Variants in BMPER observed in about 807,000 individuals in gnomAD.
The protein encoded by BMPER is BMP binding endothelial regulator, also known as BMP-binding endothelial regulator protein.
A neutral mutation model predicts 87.3 loss-of-function variants in BMPER; 45 were observed. The ratio of observed to expected loss-of-function variants is 0.52; its 90% confidence interval spans 0.41 to 0.66. The LOEUF (loss-of-function observed/expected upper bound fraction) is 0.66. BMPER is among the 30% of genes least tolerant of loss of function. The pLI is 0.00. For missense variants in BMPER, 784 were observed against 867.5 expected, an observed-to-expected ratio of 0.90 and a Z score of 1.21; for synonymous variants, 326 against 316.2, an observed-to-expected ratio of 1.03 and a Z score of -0.33.
intron 6 of BMPER, among the ~76,000 whole-genome samples, chr7:34,011,219 T>C (rs549464261): frequency 1.1e-4 from 17 of 151,976 alleles, no homozygotes; most frequent in African/African-American, 3.9e-4. Flanking sequence ...ATTAATCATC[T>C]GAGGATATTG....
At position 34,046,332 on chromosome 7, in the gene BMPER, A is replaced by G. The variant is rs1331701476; in HGVS notation, c.603A>G (p.Glu201=). The change falls in exon 7 of 15, where the codon GAA becomes GAG. Residue 201 remains glutamate (E), a synonymous_variant. Coordinates refer to ENST00000649409, the MANE Select transcript of BMPER (RefSeq NM_001365308.1). ...CTGGRTQCVR[E]VCPILSCPQH... ...GAGGCAGGACACAATGTGTGAGAGA[A>G]GTCTGTCCCATTCTCTCCTGTCCCC... The G allele has an allele frequency of 5.0e-6, 8 of 1,613,916 alleles. No homozygotes were observed. Among genetic ancestry groups the G allele is most frequent in the Admixed American group, 1.7e-5 (1 of 59,996 alleles).
chr7:34,085,867 A>T lies in BMPER; in HGVS notation c.1520A>T (p.Asp507Val). ...AACTACAATGGACATAAACGTGATG[A>T]CTTAATTGGTGGAGATGGAAACTTC... Reference protein sequence around the residue: ...CGNYNGHKRDDLIGGDGNFKF... With the variant: ...CGNYNGHKRDVLIGGDGNFKF... Residue 507 changes from aspartate (D) to valine (V), a missense_variant, in exon 13 of 15, where the codon GAC (aspartate) becomes GTC (valine). Coordinates refer to ENST00000649409, the MANE Select transcript of BMPER (RefSeq NM_001365308.1). 6.2e-7 allele frequency: 1 copy of T among 1,614,150 alleles called. No homozygotes were observed. Among genetic ancestry groups the T allele is most frequent in the Non-Finnish European group, 8.5e-7 (1 of 1,180,040 alleles).
Position 33,905,763 on chromosome 7 carries a change from G to T in BMPER, c.133+17G>T. On this transcript the variant is annotated intron_variant, in intron 1 of 14. Coordinates refer to ENST00000649409, the MANE Select transcript of BMPER (RefSeq NM_001365308.1). ...TCTTGACAGGTAGGGGAGGGGGCGGGAGGGACCGGCCCTCCGGGACGCCGG... is the reference window on the plus strand; with the variant it reads ...TCTTGACAGGTAGGGGAGGGGGCGGTAGGGACCGGCCCTCCGGGACGCCGG... The T allele has an allele frequency of 3.8e-6, 6 of 1,561,502 alleles. No individual in the cohort carries two copies. The highest frequency in any genetic ancestry group is 1.1e-5 in the South Asian group (1 of 90,088).
chr7:34,020,740 T>TC (rs1434850198), intron 6 of BMPER, among the ~76,000 whole-genome samples: 1 of 151,734 alleles, frequency 6.6e-6, no homozygotes, highest in African/African-American at 2.4e-5. Context: ...GTCTGCTGAG[T>TC]CCCAGCAGAC....
intron 2 of BMPER, among the ~76,000 whole-genome samples, chr7:33,909,390 T>A (rs955461051): frequency 6.6e-6 from 1 of 152,182 alleles, no homozygotes; most frequent in African/African-American, 2.4e-5. Flanking sequence ...TTTTACCTTT[T>A]GGCGTTCCTT....
At chr7:34,068,863 T>C (rs1032679684) in intron 11 of BMPER, among the ~76,000 whole-genome samples, 7 of 152,192 alleles carry the variant, frequency 4.6e-5, no homozygotes, top group African/African-American at 1.4e-4. Flanking sequence ...GTGAGGAAAC[T>C]GAGACTCACA....
At chr7:34,091,430 TG>T (rs1342372556) in intron 13 of BMPER, among the ~76,000 whole-genome samples, 2 of 152,242 alleles carry the variant, frequency 1.3e-5, no homozygotes, top group African/African-American at 4.8e-5. Context: ...TATTTTAAAG[TG>T]TGACATTGTA....
At chr7:33,952,888 A>G (rs188873387) in intron 3 of BMPER, among the ~76,000 whole-genome samples, 2 of 152,356 alleles carry the variant, frequency 1.3e-5, no homozygotes, top group East Asian at 1.9e-4. Flanking sequence ...CAAGACTAAT[A>G]TGATAATGAA....
chr7:34,102,971 A>C (rs1789721805), intron 13 of BMPER, among the ~76,000 whole-genome samples: 1 of 152,080 alleles, frequency 6.6e-6, no homozygotes, highest in Non-Finnish European at 1.5e-5. Flanking sequence ...GGAGGAAGTG[A>C]GGGAGTGTGC....
chr7:34,084,147 A>T (rs746084417), intron 12 of BMPER, among the ~76,000 whole-genome samples: 2 of 152,156 alleles, frequency 1.3e-5, no homozygotes, highest in Non-Finnish European at 2.9e-5. Context: ...CTAAAATACA[A>T]AAGATTAGCT....
At chr7:34,065,481 G>T (rs1327471443) in intron 11 of BMPER, among the ~76,000 whole-genome samples, 1 of 152,094 alleles carries the variant, frequency 6.6e-6, no homozygotes, top group Admixed American at 6.5e-5. Flanking sequence ...CCCCTCATTG[G>T]GTGCCACAGG....
chr7:34,125,086 G>T (rs940073788), intron 13 of BMPER, among the ~76,000 whole-genome samples: 1 of 150,794 alleles, frequency 6.6e-6, no homozygotes, highest in Non-Finnish European at 1.5e-5. Context: ...TGGTATTTTT[G>T]CCCTTATATT....
At chr7:33,968,353 C>T (rs1446571757) in intron 4 of BMPER, among the ~76,000 whole-genome samples, 1 of 152,192 alleles carries the variant, frequency 6.6e-6, no homozygotes, top group Non-Finnish European at 1.5e-5. Flanking sequence ...TGACTTGCTT[C>T]CTTCTTTAGG....
At chr7:34,041,731 C>T (rs1787837491) in intron 6 of BMPER, among the ~76,000 whole-genome samples, 1 of 152,176 alleles carries the variant, frequency 6.6e-6, no homozygotes, top group Non-Finnish European at 1.5e-5. Flanking sequence ...CTGCCCCCTC[C>T]AACTTCTCTC....
At chr7:34,018,731 C>G (rs1176615656) in intron 6 of BMPER, among the ~76,000 whole-genome samples, 3 of 151,794 alleles carry the variant, frequency 2.0e-5, no homozygotes. Flanking sequence ...AACCATGTTA[C>G]AGTGGAATTT....
intron 2 of BMPER, among the ~76,000 whole-genome samples, chr7:33,908,344 T>C (rs1160251563): frequency 6.6e-6 from 1 of 152,220 alleles, no homozygotes; most frequent in Non-Finnish European, 1.5e-5. Flanking sequence ...TATAAATATA[T>C]TGTTTTCACT....
chr7:34,069,857 G>A (rs1295524216), intron 11 of BMPER, among the ~76,000 whole-genome samples: 2 of 152,136 alleles, frequency 1.3e-5, no homozygotes, highest in Non-Finnish European at 2.9e-5. Flanking sequence ...CATTAGCTGT[G>A]CTTTGCATGG....
intron 13 of BMPER, among the ~76,000 whole-genome samples, chr7:34,092,325 T>G (rs1254139106): frequency 6.6e-6 from 1 of 152,164 alleles, no homozygotes; most frequent in Non-Finnish European, 1.5e-5. Context: ...AATTCACAAG[T>G]CTCTTGGACC....
At chr7:34,012,323 A>G (rs1208524994) in intron 6 of BMPER, among the ~76,000 whole-genome samples, 1 of 151,914 alleles carries the variant, frequency 6.6e-6, no homozygotes, top group Non-Finnish European at 1.5e-5. Context: ...CCAAACATCA[A>G]AGGATATACT....
Sources: gnomAD v4.1 joint callset for allele counts (sites outside exome capture counted in the v4.1 genomes callset) on GRCh38, gnomAD v4.1.1 for gene constraint, MANE v1.5 for transcripts, NCBI Gene and HGNC (gene_info 2026-07-23, HGNC 2026-07-21) for gene names.